Variants in SYNPR observed in about 807,000 individuals in gnomAD.
SYNPR encodes synaptoporin.
SYNPR carries 23 observed loss-of-function variants against 32.9 expected under a neutral mutation model. The ratio of observed to expected loss-of-function variants is 0.70; its 90% CI spans 0.50 to 0.99. The LOEUF is 0.99. Ranked by LOEUF, SYNPR falls within the 50% of genes least tolerant of loss-of-function variation. The pLI, the probability that SYNPR is intolerant of heterozygous loss-of-function variation, is 0.00. For synonymous variants in SYNPR, 146 were observed against 135.9 expected (o/e 1.07, Z -0.52); for missense variants, 318 against 349.3 (o/e 0.91, Z 0.71).
At chr3:63,348,080 T>G (rs542298419) in intron 2 of SYNPR, among the ~76,000 whole-genome samples, 166 of 152,316 alleles carry the variant, frequency 1.1e-3, no homozygotes, top group African/African-American at 3.8e-3. Flanking sequence ...ATGGTGGTTC[T>G]ATTTTTAGTT....
chr3:63,302,229 C>T (rs1249965059), intron 2 of SYNPR, among the ~76,000 whole-genome samples: 1 of 151,974 alleles, frequency 6.6e-6, no homozygotes, highest in Non-Finnish European at 1.5e-5. Context: ...TGCAGTTGCC[C>T]TCCTTGTGTG....
At position 63,607,051 on chromosome 3, in the gene SYNPR, T is replaced by C. The variant is rs184299086; in HGVS notation, c.409-2074T>C. Reference sequence around the variant, plus strand: ...TCTCCAATTTCCAATTGAAAGGTCTTCACATGACTATTCTTTTTTAAGTGT... The same window carrying C: ...TCTCCAATTTCCAATTGAAAGGTCTCCACATGACTATTCTTTTTTAAGTGT... On this transcript the variant is annotated intron_variant, in intron 4 of 5. Coordinates refer to ENST00000478300, the MANE Select transcript of SYNPR (RefSeq NM_001130003.2). 2.2e-3 allele frequency among the ~76,000 whole-genome samples: 330 copies of C among 152,338 alleles called. 1 individual carries two copies. The highest frequency in any genetic ancestry group is 3.6e-3 in the Non-Finnish European group (248 of 68,024).
intron 4 of SYNPR, among the ~76,000 whole-genome samples, chr3:63,587,255 A>G (rs1703202865): frequency 6.6e-6 from 1 of 152,154 alleles, no homozygotes; most frequent in South Asian, 2.1e-4. Flanking sequence ...TGCAACAGCT[A>G]AAATATTCCA....
chr3:63,315,329 A>G (rs1161987758), intron 2 of SYNPR, among the ~76,000 whole-genome samples: 1 of 152,072 alleles, frequency 6.6e-6, no homozygotes, highest in Non-Finnish European at 1.5e-5. Flanking sequence ...TTTTGGCAGT[A>G]TGGTAATTTT....
At chr3:63,501,807 G>C (rs1184085928) in intron 3 of SYNPR, among the ~76,000 whole-genome samples, 4 of 152,098 alleles carry the variant, frequency 2.6e-5, no homozygotes, top group Non-Finnish European at 4.4e-5. Context: ...GAAAGTAATA[G>C]ATACCTAAAA....
intron 2 of SYNPR, among the ~76,000 whole-genome samples, chr3:63,367,422 C>T (rs888233729): frequency 7.2e-5 from 11 of 151,958 alleles, no homozygotes; most frequent in Admixed American, 7.2e-4. Context: ...TGCAGTCCTG[C>T]GATCTCGGGT....
intron 3 of SYNPR, among the ~76,000 whole-genome samples, chr3:63,495,632 GTTGT>G (rs1210494332): frequency 2.0e-5 from 3 of 152,146 alleles, no homozygotes; most frequent in Non-Finnish European, 4.4e-5. Flanking sequence ...CTTGCATTCT[GTTGT>G]TTAAGTTAAA....
At chr3:63,479,225 T>C (rs1700993267) in intron 2 of SYNPR, among the ~76,000 whole-genome samples, 1 of 152,230 alleles carries the variant, frequency 6.6e-6, no homozygotes, top group South Asian at 2.1e-4. Flanking sequence ...CTAAATTTCC[T>C]ATTTTATGGC....
intron 3 of SYNPR, among the ~76,000 whole-genome samples, chr3:63,495,697 A>C (rs1379522224): frequency 6.6e-6 from 1 of 152,148 alleles, no homozygotes; most frequent in Admixed American, 6.6e-5. Flanking sequence ...TATTAGAAAA[A>C]GTAGCACTTT....
intron 4 of SYNPR, among the ~76,000 whole-genome samples, chr3:63,584,955 T>TTAGA (rs1376965227): frequency 2.6e-5 from 4 of 152,126 alleles, no homozygotes; most frequent in Non-Finnish European, 5.9e-5. Context: ...ACTTACTGAA[T>TTAGA]TAGAATCTGC....
At chr3:63,614,714 G>A (rs1343717664) in intron 5 of SYNPR, among the ~76,000 whole-genome samples, 1 of 152,142 alleles carries the variant, frequency 6.6e-6, no homozygotes, top group Non-Finnish European at 1.5e-5. Flanking sequence ...AGCAAAAGCA[G>A]TATCTCTAAC....
intron 2 of SYNPR, among the ~76,000 whole-genome samples, chr3:63,306,728 A>G (rs770148499): frequency 1.3e-5 from 2 of 152,052 alleles, no homozygotes; most frequent in Non-Finnish European, 2.9e-5. Context: ...GCCCAATTTT[A>G]GATGGAGTTC....
chr3:63,371,044 C>T (rs11915892), intron 2 of SYNPR, among the ~76,000 whole-genome samples: 3 of 151,848 alleles, frequency 2.0e-5, no homozygotes, highest in Admixed American at 1.3e-4. Context: ...GGACACATTG[C>T]GATTCATCAA....
At chr3:63,549,565 G>C (rs750685042) in intron 3 of SYNPR, among the ~76,000 whole-genome samples, 1 of 152,084 alleles carries the variant, frequency 6.6e-6, no homozygotes, top group Non-Finnish European at 1.5e-5. Flanking sequence ...GAGTTGTTAT[G>C]AGCATTAAAT....
chr3:63,203,036 T>TTATAAA, the SYNPR span, among the ~76,000 whole-genome samples: 1 of 117,496 alleles, frequency 8.5e-6, no homozygotes, highest in Admixed American at 9.0e-5. Context: ...CAATTTTTAA[T>TTATAAA]TATAAATATA....
upstream of SYNPR, among the ~76,000 whole-genome samples, chr3:63,226,047 A>G (rs2086125740): frequency 6.6e-6 from 1 of 152,212 alleles, no homozygotes; most frequent in South Asian, 2.1e-4. Context: ...AAACACAAGA[A>G]TAAAGATTTC....
intron 2 of SYNPR, among the ~76,000 whole-genome samples, chr3:63,470,087 C>A (rs2060758): frequency 7.2e-5 from 11 of 151,918 alleles, no homozygotes; most frequent in Non-Finnish European, 7.4e-5. Flanking sequence ...TAACTAAAAC[C>A]GAGATTCTGA....
At chr3:63,553,517 A>T (rs1311448694) in intron 3 of SYNPR, among the ~76,000 whole-genome samples, 1 of 152,134 alleles carries the variant, frequency 6.6e-6, no homozygotes, top group Non-Finnish European at 1.5e-5. Context: ...AATCTCCAAA[A>T]TGCTTTCCAT....
At chr3:63,521,550 C>G (rs1701914042) in intron 3 of SYNPR, among the ~76,000 whole-genome samples, 1 of 152,128 alleles carries the variant, frequency 6.6e-6, no homozygotes, top group Non-Finnish European at 1.5e-5. Flanking sequence ...AACAGAAGCA[C>G]AAATTACACC....
Sources: allele counts gnomAD v4.1 joint callset (sites outside exome capture counted in the v4.1 genomes callset), GRCh38; gene constraint gnomAD v4.1.1; transcripts MANE v1.5; gene names NCBI Gene and HGNC (gene_info 2026-07-23, HGNC 2026-07-21).